Variants in ACO1 observed in about 807,000 individuals in gnomAD.
ACO1 encodes the protein aconitase 1.
Under a neutral mutation model 105.1 loss-of-function variants are expected in ACO1, and 78 were observed. The ratio of observed to expected loss-of-function variants is 0.74; its 90% CI spans 0.62 to 0.90. ACO1 has a LOEUF of 0.90. Ranked by LOEUF, ACO1 falls within the 40% of genes least tolerant of loss-of-function variation. ACO1 has a pLI of 0.00. For missense variants in ACO1, 965 were observed against 1,111.1 expected (o/e 0.87, Z 1.87); for synonymous variants, 364 against 397.4 (o/e 0.92, Z 1.00).
In ACO1 at chr9:32,440,524, G is replaced by A. The variant is rs757476086; in HGVS notation, c.2307G>A (p.Leu769=). ...YQQAGLPLIV[L]AGKEYGAGSS... ...AGGCAGGCCTTCCCCTGATCGTTCTGGCTGGCAAAGAGTACGGTGCAGGCA... is the reference window on the plus strand; with the variant it reads ...AGGCAGGCCTTCCCCTGATCGTTCTAGCTGGCAAAGAGTACGGTGCAGGCA... Residue 769 remains leucine, a synonymous_variant, in exon 19 of 21, where the codon CTG becomes CTA. Transcript: ENST00000309951. The A allele has an allele frequency of 3.7e-6, 6 of 1,613,908 alleles. No homozygotes were observed. Among genetic ancestry groups the A allele is most frequent in the Non-Finnish European group, 2.5e-6 (3 of 1,179,972 alleles).
chr9:32,420,823 A>C, intron 7 of ACO1, 33 bp from the exon 8 acceptor site: 3 of 1,602,446 alleles, frequency 1.9e-6, no homozygotes, highest in Non-Finnish European at 2.6e-6. Context: ...GGGCCATCAG[A>C]TCTCAAACTT....
chr9:32,432,394 G>C (rs1024763016), intron 15 of ACO1, among the ~76,000 whole-genome samples: 5 of 152,198 alleles, frequency 3.3e-5, no homozygotes, highest in Non-Finnish European at 7.3e-5. Flanking sequence ...TCTGCATTCA[G>C]CTGACCCAAG....
At chr9:32,414,299 T>G (rs952569339) in intron 4 of ACO1, among the ~76,000 whole-genome samples, 2 of 152,240 alleles carry the variant, frequency 1.3e-5, no homozygotes, top group Non-Finnish European at 2.9e-5. Context: ...TCAAATGAAC[T>G]AAGAAATTTC....
chr9:32,389,932 G>C (rs1451044071), intron 1 of ACO1, among the ~76,000 whole-genome samples: 1 of 151,870 alleles, frequency 6.6e-6, no homozygotes, highest in African/African-American at 2.4e-5. Context: ...AGAATAGCTG[G>C]AATTACAGGC....
intron 19 of ACO1, among the ~76,000 whole-genome samples, chr9:32,444,503 T>TA (rs1329609543): frequency 1.3e-5 from 2 of 152,242 alleles, no homozygotes; most frequent in African/African-American, 2.4e-5. Flanking sequence ...CCTGACTTTT[T>TA]AATGATCGCC....
At chr9:32,423,461 C>T (rs753403767) in intron 9 of ACO1, 42 bp downstream of exon 9, 10 of 1,351,716 alleles carry the variant, frequency 7.4e-6, no homozygotes, top group African/African-American at 3.0e-5. Flanking sequence ...TCCTCTTCCT[C>T]AAGGCTGCGA....
At chr9:32,406,523 T>C (rs1175429775) in intron 2 of ACO1, among the ~76,000 whole-genome samples, 1 of 152,158 alleles carries the variant, frequency 6.6e-6, no homozygotes, top group Non-Finnish European at 1.5e-5. Context: ...TTTAGGAGGC[T>C]GAGGTGGGAG....
chr9:32,408,177 C>A (rs1440218617), intron 3 of ACO1, among the ~76,000 whole-genome samples: 1 of 152,148 alleles, frequency 6.6e-6, no homozygotes, highest in African/African-American at 2.4e-5. Flanking sequence ...TTTGTCAAGC[C>A]ACCATGTGAA....
At chr9:32,405,635 C>T (rs1245949586) in intron 2 of ACO1, 32 bp downstream of exon 2, 1 of 1,447,632 alleles carries the variant, frequency 6.9e-7, no homozygotes, top group Admixed American at 1.8e-5. Flanking sequence ...CAATTGGAAT[C>T]TCATTTGCAC....
chr9:32,425,989 TA>T lies in ACO1; in HGVS notation c.1341del (p.Ala449GlnfsTer4). 4.3e-6 allele frequency: 7 copies of T among 1,613,472 alleles called. No homozygotes were observed. The highest frequency in any genetic ancestry group is 5.9e-6 in the Non-Finnish European group (7 of 1,179,626). ...CTNTSNPSVM[L>X]GAGLLAKKAV... The stretch of plus-strand genomic sequence containing the variant: ...AACACCAGTAATCCGTCTGTGATGT[TA>T]GGGGCAGGTAAGTGCATTTGACTCC... On this transcript the variant is annotated frameshift_variant, in exon 11 of 21. Transcript: ENST00000309951. LOFTEE classifies it high-confidence loss of function.
intron 1 of ACO1, among the ~76,000 whole-genome samples, chr9:32,401,033 G>A (rs184358790): frequency 1.4e-3 from 212 of 150,966 alleles, no homozygotes; most frequent in African/African-American, 5.1e-3. Context: ...ATCATTTAAT[G>A]TGAGCCTTTA....
intron 20 of ACO1, among the ~76,000 whole-genome samples, 154 bp downstream of exon 20, chr9:32,449,235 A>G (rs1587562812): frequency 6.6e-6 from 1 of 152,178 alleles, no homozygotes; most frequent in East Asian, 1.9e-4. Context: ...CATCTTTTCT[A>G]CCTGCCTTCA....
At position 32,450,138 on chromosome 9, in the gene ACO1, G is replaced by C. The variant is rs199881775; in HGVS notation, c.*27G>C. ...AGACGTGCACTTGGTGCTGCGCCCA[G>C]GGAGGAAGCCGCACCACCAGCCAGC... On this transcript the variant is annotated 3_prime_UTR_variant, in exon 21 of 21. Coordinates refer to ENST00000309951, the MANE Select transcript of ACO1 (RefSeq NM_002197.3). 1.9e-6 allele frequency: 3 copies of C among 1,582,010 alleles called. No individual in the cohort carries two copies. The highest frequency in any genetic ancestry group is 2.6e-6 in the Non-Finnish European group (3 of 1,152,366).
At chr9:32,397,531 G>A (rs1406599792) in intron 1 of ACO1, among the ~76,000 whole-genome samples, 3 of 152,150 alleles carry the variant, frequency 2.0e-5, no homozygotes, top group Non-Finnish European at 4.4e-5. Flanking sequence ...CCTCAATGTT[G>A]TTTATGTTCA....
At chr9:32,405,347 A>T in intron 1 of ACO1, 138 bp from the exon 2 acceptor site, 1 of 573,824 alleles carries the variant, frequency 1.7e-6, no homozygotes, top group Non-Finnish European at 3.1e-6. Flanking sequence ...TATTTTTTTT[A>T]AAGTTCAGTG....
rs144987255 is a variant in ACO1 at position 32,401,084 on chromosome 9, C to T, written c.-22-4401C>T. Among the ~76,000 whole-genome samples, 235 of 151,848 alleles carry T rather than the reference C, an allele frequency of 1.5e-3. 3 individuals are homozygous for T. The highest frequency in any genetic ancestry group is 1.9e-4 in the East Asian group (1 of 5,168). ...TTGAATCTGAGTAAGGGATTGTATA[C>T]GCAATATTATATCAGGAAAATTGAT... is the stretch of plus-strand genomic sequence containing the variant. On this transcript the variant is annotated intron_variant, in intron 1 of 20. Coordinates refer to ENST00000309951, the MANE Select transcript of ACO1 (RefSeq NM_002197.3).
intron 4 of ACO1, among the ~76,000 whole-genome samples, chr9:32,412,439 G>C (rs567358719): frequency 6.6e-6 from 1 of 152,104 alleles, no homozygotes; most frequent in Non-Finnish European, 1.5e-5. Flanking sequence ...ACCACTCAAC[G>C]GGAAACAAAA....
rs1245846877 is a variant in ACO1 at position 32,453,131 on chromosome 9, T to G, written c.*3020T>G. ...CTCCCATATTCTTTGCGAATGAAGA[T>G]TCCCCTGTTTGTTTGGATAGTTTTC... is the stretch of plus-strand genomic sequence containing the variant. On this transcript the variant is annotated 3_prime_UTR_variant, in exon 21 of 21. Transcript: ENST00000309951. The G allele has an allele frequency of 1.4e-5, 2 of 143,594 alleles. No individual in the cohort carries two copies. 8.9% of individuals were successfully genotyped at this position (143,594 alleles called of 1,614,324 possible).
chr9:32,395,832 A>T (rs1821362040), intron 1 of ACO1, among the ~76,000 whole-genome samples: 1 of 152,272 alleles, frequency 6.6e-6, no homozygotes, highest in African/African-American at 2.4e-5. Flanking sequence ...GACACTAAAA[A>T]GTAAAAGTGA....
Sources: allele counts gnomAD v4.1 joint callset (sites outside exome capture counted in the v4.1 genomes callset), GRCh38; gene constraint gnomAD v4.1.1; transcripts MANE v1.5; gene names NCBI Gene and HGNC (gene_info 2026-07-23, HGNC 2026-07-21).